LMO3: variants seen among roughly 807,000 people sequenced by gnomAD.
LMO3 encodes LIM domain only protein 3.
LMO3 carries 2 observed loss-of-function variants against 15.8 expected under a neutral mutation model. The ratio of observed to expected loss-of-function variants is 0.13; its 90% CI spans 0.05 to 0.40. The LOEUF (loss-of-function observed/expected upper bound fraction) is 0.40, where lower values mean the gene tolerates loss of function less well. LMO3 is among the 10% of genes least tolerant of loss of function. LMO3 has a pLI of 0.99. For missense variants in LMO3, 86 were observed against 182.2 expected (o/e 0.47, Z 3.04); for synonymous variants, 62 against 63.8 (o/e 0.97, Z 0.13).
chr12:16,608,297 CAATTA>C (rs996591424), upstream of LMO3: 2 of 152,044 alleles, frequency 1.3e-5, no homozygotes, highest in Non-Finnish European at 1.5e-5. This position sits in a 1 kb window ranked among gnomAD's most constrained non-coding sequence, Gnocchi z 4.1. Context: ...CTAATGAGGA[CAATTA>C]AATTAATTAT....
intron 2 of LMO3, among the ~76,000 whole-genome samples, chr12:16,571,200 A>C (rs1942802374): frequency 1.3e-5 from 2 of 152,046 alleles, no homozygotes; most frequent in Admixed American, 6.6e-5. Context: ...AAATTTTCCA[A>C]AGAAAAGGGA....
chr12:16,592,781 T>C (rs1943533804), intron 2 of LMO3, among the ~76,000 whole-genome samples: 1 of 151,936 alleles, frequency 6.6e-6, no homozygotes, highest in South Asian at 2.1e-4. Context: ...CAAAAAACAC[T>C]ATCCTAGAGA....
At chr12:16,563,298 T>C (rs1223802998) in intron 2 of LMO3, among the ~76,000 whole-genome samples, 1 of 152,184 alleles carries the variant, frequency 6.6e-6, no homozygotes, top group Non-Finnish European at 1.5e-5. Context: ...TATAGCTACA[T>C]TCGAGTTCTC....
chr12:16,606,368 G>A (rs1944002854), upstream of LMO3: 1 of 152,462 alleles, frequency 6.6e-6, no homozygotes, highest in African/African-American at 2.4e-5. Context: ...CCGAGCTGAA[G>A]GAAGCTCCGG....
At chr12:16,552,236 A>G (rs1488771640) in intron 3 of LMO3, among the ~76,000 whole-genome samples, 5 of 152,024 alleles carry the variant, frequency 3.3e-5, no homozygotes, top group Non-Finnish European at 5.9e-5. Context: ...ATCTGTATAT[A>G]TATTTAATTG....
At chr12:16,605,320 T>C in intron 1 of LMO3, 1 of 1,163,122 alleles carries the variant, frequency 8.6e-7, no homozygotes, top group Non-Finnish European at 1.1e-6. Flanking sequence ...ATAACAGCAA[T>C]CTGAGTAGTC....
At chr12:16,594,172 G>A in intron 2 of LMO3, 1 of 1,532,748 alleles carries the variant, frequency 6.5e-7, no homozygotes. Context: ...AGTCAATGAT[G>A]ACAAAAGGTA....
intron 1 of LMO3, chr12:16,602,303 AC>A (rs1211638470): frequency 6.9e-6 from 1 of 144,572 alleles, no homozygotes; most frequent in African/African-American, 2.4e-5. Flanking sequence ...TGAAGGCTTC[AC>A]CCCCATCACA....
intron 2 of LMO3, 196 bp downstream of exon 2, chr12:16,600,459 T>A: frequency 1.7e-6 from 1 of 583,642 alleles, no homozygotes; most frequent in Admixed American, 3.1e-5. Flanking sequence ...ATACTTTAAA[T>A]ATTGTGGTTT....
Position 16,591,929 on chromosome 12 carries a change from T to C in LMO3, c.206+8726A>G, listed in dbSNP as rs1037460942. On this transcript the variant is annotated intron_variant, in intron 2 of 3. Transcript: ENST00000537304. The surrounding 1 kb of genome is among the most constrained non-coding windows in gnomAD (Gnocchi z 4.1). Reference sequence around the variant, plus strand: ...TACCTCTTGTCATTCTCTATATTGGTTCCATGGGACTTAATTGGAGTGAAA... The same window carrying C: ...TACCTCTTGTCATTCTCTATATTGGCTCCATGGGACTTAATTGGAGTGAAA... 2.6e-5 allele frequency among the ~76,000 whole-genome samples: 4 copies of C among 152,198 alleles called. No homozygotes were observed. The East Asian group carries it at 5.8e-4, about 22-fold the overall frequency.
intron 2 of LMO3, among the ~76,000 whole-genome samples, chr12:16,563,631 TATC>T (rs1942482910): frequency 1.3e-5 from 2 of 152,196 alleles, no homozygotes. Flanking sequence ...TTTATAAAGT[TATC>T]ATAGATCCAC....
At chr12:16,562,825 GTC>G (rs1942449971) in intron 2 of LMO3, among the ~76,000 whole-genome samples, 1 of 152,216 alleles carries the variant, frequency 6.6e-6, no homozygotes, top group Non-Finnish European at 1.5e-5. Flanking sequence ...AATGGTCCGA[GTC>G]TCTGATGGCT....
At chr12:16,552,012 T>C (rs1942006886) in intron 3 of LMO3, among the ~76,000 whole-genome samples, 1 of 152,032 alleles carries the variant, frequency 6.6e-6, no homozygotes, top group Non-Finnish European at 1.5e-5. Context: ...CTAAATGAAC[T>C]ACTTAATATT....
In LMO3 at chr12:16,560,511, A is replaced by G. The variant is rs756161447; in HGVS notation, c.234T>C (p.Ala78=). 1 of 1,613,316 alleles carries G rather than the reference A, an allele frequency of 6.2e-7. No individual in the cohort carries two copies. Among genetic ancestry groups the G allele is most frequent in the Non-Finnish European group, 8.5e-7 (1 of 1,179,550 alleles). ...LRLFGVTGNC[A]ACSKLIPAFE... Reference sequence around the variant, plus strand: ...AGGCAGGGATGAGCTTACTACAGGCAGCGCAGTTTCCCGTTACACCAAAGA... The same window carrying G: ...AGGCAGGGATGAGCTTACTACAGGCGGCGCAGTTTCCCGTTACACCAAAGA... Residue 78 remains alanine (A), a synonymous_variant, in exon 3 of 4, where the codon GCT becomes GCC. Transcript: ENST00000537304. This position sits in a 1 kb window ranked among gnomAD's most constrained non-coding sequence, Gnocchi z 5.0.
intron 2 of LMO3, among the ~76,000 whole-genome samples, chr12:16,578,741 C>T (rs974586739): frequency 1.1e-4 from 17 of 151,862 alleles, no homozygotes; most frequent in Non-Finnish European, 2.2e-4. Flanking sequence ...TTCCTTGAAC[C>T]TGGGAGGCGG....
Position 16,593,192 on chromosome 12 carries a change from C to T in LMO3, c.206+7463G>A, listed in dbSNP as rs970803454. On this transcript the variant is annotated intron_variant, in intron 2 of 3. Transcript: ENST00000537304. The surrounding 1 kb of genome is among the most constrained non-coding windows in gnomAD (Gnocchi z 4.2). ...CTTGGGTTTAATGTGGACGATGCTT[C>T]ACTGCATTAGTGATAACAATTTTAC... is the stretch of plus-strand genomic sequence containing the variant. Among the ~76,000 whole-genome samples the T allele has an allele frequency of 7.9e-5, 12 of 151,788 alleles. No individual in the cohort carries two copies. The highest frequency in any genetic ancestry group is 1.2e-4 in the African/African-American group (5 of 41,396).
At chr12:16,552,481 C>G (rs922900553) in intron 3 of LMO3, among the ~76,000 whole-genome samples, 1 of 152,012 alleles carries the variant, frequency 6.6e-6, no homozygotes, top group African/African-American at 2.4e-5. Flanking sequence ...GACTGATTTA[C>G]ATTTGCAAAG....
chr12:16,601,499 A>G (rs984373020), intron 1 of LMO3, among the ~76,000 whole-genome samples: 3 of 152,180 alleles, frequency 2.0e-5, no homozygotes, highest in South Asian at 2.1e-4. Flanking sequence ...ATTGTGTTCA[A>G]ATATAACATT....
chr12:16,562,266 A>T lies in LMO3; in HGVS notation c.207-1728T>A, dbSNP rs192599259. Among the ~76,000 whole-genome samples the T allele has an allele frequency of 1.2e-3, 178 of 152,298 alleles. 1 individual carries two copies. The South Asian group carries it at 0.018, about 16-fold the overall frequency. On this transcript the variant is annotated intron_variant, in intron 2 of 3. Transcript: ENST00000537304. The stretch of plus-strand genomic sequence containing the variant: ...TCTGCTTAGGAGATCTGCTTAGGAG[A>T]TCACTTACATGTGCCATTGTTTCTT...
Sources: gnomAD v4.1 joint callset for allele counts (sites outside exome capture counted in the v4.1 genomes callset) on GRCh38, gnomAD v4.1.1 for gene constraint, Gnocchi (gnomAD v3.1) non-coding constraint, MANE v1.5 for transcripts, NCBI Gene and HGNC (gene_info 2026-07-23, HGNC 2026-07-21) for gene names.